Variants in POLR2F observed in about 807,000 individuals in gnomAD.
POLR2F encodes RNA polymerase II, I and III subunit F.
A neutral mutation model predicts 22.7 loss-of-function variants in POLR2F; 12 were observed. The ratio of observed to expected loss-of-function variants is 0.53; its 90% CI spans 0.34 to 0.86. The LOEUF (loss-of-function observed/expected upper bound fraction) is 0.86, where lower values mean the gene tolerates loss of function less well. POLR2F is among the 40% of genes least tolerant of loss of function. POLR2F has a pLI of 0.02. For synonymous variants in POLR2F, 57 were observed against 66.0 expected (o/e 0.86, Z 0.66); for missense variants, 126 against 171.5 (o/e 0.73, Z 1.48).
At chr22:37,955,205 T>TG (rs1195746591) in intron 1 of POLR2F, among the ~76,000 whole-genome samples, 7 of 138,600 alleles carry the variant, frequency 5.1e-5, no homozygotes, top group Admixed American at 1.4e-4. Flanking sequence ...AAATAAGGGT[T>TG]TTTTTTTTTT....
chr22:37,971,644 T>G (rs1313708596), downstream of POLR2F, among the ~76,000 whole-genome samples: 1 of 151,922 alleles, frequency 6.6e-6, no homozygotes, highest in Non-Finnish European at 1.5e-5. Context: ...GATCCTGGCG[T>G]GGGCTGCTGT....
chr22:37,968,661 A>T lies in POLR2F; in HGVS notation c.*946A>T. 1.0e-6 allele frequency: 1 copy of T among 985,184 alleles called. No homozygotes were observed. Among genetic ancestry groups the T allele is most frequent in the South Asian group, 4.7e-5 (1 of 21,278 alleles). The allele number at this position is 985,184 out of a possible 1,614,324, so 61.0% of individuals were successfully genotyped here. ...CTCCCTCCTAGAGGGGGTCAGGGGG[A>T]GGGTGTATATTGACATGAACAGGGA... On this transcript the variant is annotated 3_prime_UTR_variant, in exon 5 of 5. Coordinates refer to ENST00000442738, the MANE Select transcript of POLR2F (RefSeq NM_021974.5).
At chr22:37,973,948 G>GGCT, downstream of POLR2F, 2 of 1,610,938 alleles carry the variant, frequency 1.2e-6, no homozygotes, top group Non-Finnish European at 1.7e-6. Context: ...GCCCATAGCC[G>GGCT]GCTGCTGAGT....
chr22:38,016,995 G>A lies in POLR2F; in HGVS notation c.121-8874G>A, dbSNP rs527740879. On this transcript the variant is annotated intron_variant, in intron 1 of 2. Coordinates refer to the POLR2F transcript ENST00000333418. This position sits in a 1 kb window ranked among gnomAD's most constrained non-coding sequence, Gnocchi z 4.4. ...CCGGGGTGCCGGGGGGCAGCGCAAG[G>A]GGCCAGCCAGCCCCCCACCCCAGCC... 6.6e-6 allele frequency among the ~76,000 whole-genome samples: 1 copy of A among 152,212 alleles called. No individual in the cohort carries two copies. Among genetic ancestry groups the A allele is most frequent in the Non-Finnish European group, 1.5e-5 (1 of 67,998 alleles).
chr22:38,002,306 A>C (rs1162698315), intron 1 of POLR2F, among the ~76,000 whole-genome samples: 5 of 152,250 alleles, frequency 3.3e-5, no homozygotes, highest in Admixed American at 1.3e-4. Context: ...TCAAAATTTT[A>C]AATGAAAAAT....
chr22:37,983,186 G>A (rs919881766), upstream of POLR2F, among the ~76,000 whole-genome samples: 1 of 152,218 alleles, frequency 6.6e-6, no homozygotes, highest in Non-Finnish European at 1.5e-5. This position sits in a 1 kb window ranked among gnomAD's most constrained non-coding sequence, Gnocchi z 9.5. Context: ...CGAGTTCCAG[G>A]GTCCTTGTGA....
chr22:37,989,489 T>G (rs2145786740), intron 1 of POLR2F, among the ~76,000 whole-genome samples: 1 of 152,308 alleles, frequency 6.6e-6, no homozygotes, highest in South Asian at 2.1e-4. Context: ...GCATTCCTGC[T>G]TGGGATGACA....
At chr22:37,999,699 G>A (rs1359332350) in intron 1 of POLR2F, among the ~76,000 whole-genome samples, 3 of 152,118 alleles carry the variant, frequency 2.0e-5, no homozygotes, top group African/African-American at 7.2e-5. Flanking sequence ...TCAGAGCAGG[G>A]TGCCCCACTC....
rs2084919706 is a variant in POLR2F, at chr22:38,016,806, A to G, written c.121-9063A>G. The stretch of plus-strand genomic sequence containing the variant: ...CGCTTTTTGTTTCTACTGTAATGAC[A>G]TGTTGGAATAGAGAGAGAGAGAGAA... On this transcript the variant is annotated intron_variant, in intron 1 of 2. Transcript: ENST00000333418. The surrounding 1 kb of genome is among the most constrained non-coding windows in gnomAD (Gnocchi z 4.4). Among the ~76,000 whole-genome samples, 1 of 151,628 alleles carries G rather than the reference A, an allele frequency of 6.6e-6. No individual in the cohort carries two copies. The highest frequency in any genetic ancestry group is 6.6e-5 in the Admixed American group (1 of 15,226).
At chr22:38,011,275 A>AT (rs905764507) in intron 1 of POLR2F, among the ~76,000 whole-genome samples, 39 of 145,094 alleles carry the variant, frequency 2.7e-4, no homozygotes, top group Middle Eastern at 7.0e-3. Context: ...TAATTTTTGT[A>AT]TTTTTTTTTT....
rs2084921216 is a variant in POLR2F, at chr22:38,016,971, CG to C, written c.121-8894del. ...GCGGCCGGGAGAGATGGAGCCAGGC[CG>C]GGGTGCCGGGGGGCAGCGCAAGGGG... On this transcript the variant is annotated intron_variant, in intron 1 of 2. Coordinates refer to the POLR2F transcript ENST00000333418. This position sits in a 1 kb window ranked among gnomAD's most constrained non-coding sequence, Gnocchi z 4.4. 6.6e-6 allele frequency among the ~76,000 whole-genome samples: 1 copy of C among 152,068 alleles called. No individual in the cohort carries two copies. The highest frequency in any genetic ancestry group is 2.4e-5 in the African/African-American group (1 of 41,416).
chr22:37,961,377 T>C (rs1263396288), intron 3 of POLR2F, among the ~76,000 whole-genome samples: 2 of 152,124 alleles, frequency 1.3e-5, no homozygotes, highest in Non-Finnish European at 2.9e-5. Context: ...TGGTTCTTGA[T>C]GTGAGGTAGA....
chr22:37,992,383 G>T (rs1932744929), intron 1 of POLR2F, among the ~76,000 whole-genome samples: 2 of 151,812 alleles, frequency 1.3e-5, no homozygotes, highest in South Asian at 4.2e-4. Flanking sequence ...AGTAGTCATT[G>T]CTTCTTCTTT....
At chr22:37,983,823 C>T (rs1289952577), upstream of POLR2F, 10 of 1,371,954 alleles carry the variant, frequency 7.3e-6, no homozygotes, top group Admixed American at 2.3e-4. The surrounding 1 kb of genome is among the most constrained non-coding windows in gnomAD (Gnocchi z 9.5). Context: ...TCGGCCGCCT[C>T]CCCCGGGCCA....
At chr22:37,959,266 G>A in intron 2 of POLR2F, 80 bp from the exon 3 acceptor site, 1 of 1,458,988 alleles carries the variant, frequency 6.9e-7, no homozygotes, top group Non-Finnish European at 9.5e-7. Context: ...AGCGAGAATT[G>A]TGATTGTTGT....
intron 4 of POLR2F, among the ~76,000 whole-genome samples, chr22:37,976,000 G>A (rs1221787322): frequency 6.6e-6 from 1 of 151,908 alleles, no homozygotes; most frequent in East Asian, 1.9e-4. Context: ...CAGCACTTTG[G>A]GAGGCTGAGG....
chr22:37,982,647 C>T (rs1218197686), upstream of POLR2F, among the ~76,000 whole-genome samples: 3 of 152,020 alleles, frequency 2.0e-5, no homozygotes, highest in Non-Finnish European at 4.4e-5. Context: ...GGGGCCCTGG[C>T]AGGGAAGATG....
rs532645107 is a variant in POLR2F, at chr22:38,011,672, TG to T, written c.121-14196del. ...TTGATTATTATAGGCTTGTAAATCT[TG>T]AGATCAAGTAGTACAAGTCCTCCAA... On this transcript the variant is annotated intron_variant, in intron 1 of 2. Coordinates refer to the POLR2F transcript ENST00000333418. 2.0e-5 allele frequency among the ~76,000 whole-genome samples: 3 copies of T among 152,290 alleles called. No individual in the cohort carries two copies. In the South Asian group the frequency reaches 6.2e-4, roughly 32 times the overall value.
chr22:37,989,180 A>T (rs1429280407), intron 1 of POLR2F, among the ~76,000 whole-genome samples: 1 of 152,320 alleles, frequency 6.6e-6, no homozygotes, highest in East Asian at 1.9e-4. Flanking sequence ...AGATCACGCT[A>T]TTAACCTCTC....
Sources: allele counts gnomAD v4.1 joint callset (sites outside exome capture counted in the v4.1 genomes callset), GRCh38; gene constraint gnomAD v4.1.1; non-coding constraint Gnocchi (gnomAD v3.1); transcripts MANE v1.5; gene names NCBI Gene and HGNC (gene_info 2026-07-23, HGNC 2026-07-21).